Variants in INSC observed in about 807,000 individuals in gnomAD.
INSC encodes the protein INSC spindle orientation adaptor protein.
Under a neutral mutation model 58.6 loss-of-function variants are expected in INSC, and 67 were observed. The observed-to-expected ratio is 1.14, with a 90% confidence interval of 0.94 to 1.40. The LOEUF (loss-of-function observed/expected upper bound fraction) is 1.40. Ranked by LOEUF, INSC falls within the 40% of genes most tolerant of loss-of-function variation. INSC has a pLI of 0.00. For missense variants in INSC, 714 were observed against 692.0 expected, an observed-to-expected ratio of 1.03 and a Z score of -0.36; for synonymous variants, 262 against 276.1, an observed-to-expected ratio of 0.95 and a Z score of 0.51.
chr11:15,154,602 G>A (rs1248042240), intron 2 of INSC, among the ~76,000 whole-genome samples: 1 of 152,184 alleles, frequency 6.6e-6, no homozygotes, highest in African/African-American at 2.4e-5. Context: ...CCCTGCAGGA[G>A]AGCACAGTGC....
intron 2 of INSC, among the ~76,000 whole-genome samples, chr11:15,154,969 C>T (rs1848765190): frequency 6.6e-6 from 1 of 152,164 alleles, no homozygotes; most frequent in African/African-American, 2.4e-5. Flanking sequence ...TTTGGGAGTC[C>T]TCTTAGGATC....
intron 2 of INSC, among the ~76,000 whole-genome samples, chr11:15,158,221 C>T (rs1264258786): frequency 6.6e-6 from 1 of 151,678 alleles, no homozygotes; most frequent in Non-Finnish European, 1.5e-5. Context: ...TGTCACTTCC[C>T]TGCTCTAAAA....
chr11:15,251,590 G>A (rs576916326), downstream of INSC, among the ~76,000 whole-genome samples: 12 of 152,292 alleles, frequency 7.9e-5, no homozygotes, highest in African/African-American at 2.9e-4. Flanking sequence ...CTGGACAAAG[G>A]ATTTGAATAG....
rs764724769 is a variant in INSC, at chr11:15,175,958, G to T, written c.274G>T (p.Gly92Trp). The change falls in exon 3 of 13, where the codon GGG becomes TGG. Residue 92 changes from glycine (G) to tryptophan (W), a missense_variant. By Grantham distance (184) the Gly-to-Trp change is radical. Transcript: ENST00000379556. ...CATTAGCACAGAGCTGCGCAGGATC[G>T]GGCAGAAGCTGGCCCAGGACCGCTG... is the stretch of plus-strand genomic sequence containing the variant. ...WVISTELRRI[G>W]QKLAQDRWAR... The T allele has an allele frequency of 3.1e-6, 5 of 1,613,918 alleles. No homozygotes were observed. The South Asian group carries it at 4.4e-5, about 14-fold the overall frequency.
At chr11:15,148,803 G>A (rs1165796870) in intron 1 of INSC, among the ~76,000 whole-genome samples, 1 of 152,146 alleles carries the variant, frequency 6.6e-6, no homozygotes, top group Admixed American at 6.5e-5. Flanking sequence ...ATACTTTTTA[G>A]TACAAGTATG....
At chr11:15,206,560 C>G (rs1427493864) in intron 7 of INSC, among the ~76,000 whole-genome samples, 1 of 152,128 alleles carries the variant, frequency 6.6e-6, no homozygotes. Context: ...AGTAAGGGCC[C>G]CAGAGCCACA....
the INSC span, among the ~76,000 whole-genome samples, chr11:15,267,679 G>T: frequency 1.3e-5 from 2 of 151,664 alleles, no homozygotes; most frequent in Non-Finnish European, 2.9e-5. Context: ...GTGTATATTT[G>T]TAGTAACTAT....
chr11:15,221,659 C>G lies in INSC; in HGVS notation c.991+11C>G, dbSNP rs1430148885. The G allele has an allele frequency of 6.2e-7, 1 of 1,602,980 alleles. No individual in the cohort carries two copies. The highest frequency in any genetic ancestry group is 1.7e-5 in the Admixed American group (1 of 59,170). On this transcript the variant is annotated intron_variant, in intron 8 of 12. Transcript: ENST00000379556. ...TGACAGCCCTCGTCAGTGAGTCACCCTGGGCAGCGGGACCACTAGGAGAGA... is the reference window on the plus strand; with the variant it reads ...TGACAGCCCTCGTCAGTGAGTCACCGTGGGCAGCGGGACCACTAGGAGAGA...
chr11:15,244,280 C>T (rs890585216), intron 12 of INSC, among the ~76,000 whole-genome samples: 21 of 152,122 alleles, frequency 1.4e-4, no homozygotes, highest in South Asian at 8.3e-4. Flanking sequence ...GGGTAAACCA[C>T]GCCCCATGAG....
At chr11:15,113,318 G>T (rs1023814526), upstream of INSC, among the ~76,000 whole-genome samples, 7 of 151,780 alleles carry the variant, frequency 4.6e-5, no homozygotes, top group Non-Finnish European at 5.9e-5. Context: ...ATGACAACTC[G>T]CCCAGTTAAT....
intron 2 of INSC, among the ~76,000 whole-genome samples, chr11:15,149,827 A>G (rs1945597): frequency 0.28 from 42,514 of 152,076 alleles, 6,128 homozygotes; most frequent in Middle Eastern, 0.34. Context: ...CTGGTCCTGG[A>G]GCCTGAACCC....
intron 1 of INSC, among the ~76,000 whole-genome samples, chr11:15,136,334 A>T (rs149815104): frequency 6.6e-5 from 10 of 152,156 alleles, no homozygotes; most frequent in African/African-American, 9.7e-5. Flanking sequence ...GTCTTGCCTG[A>T]TGTTGATGTC....
chr11:15,146,662 T>C (rs1325331421), intron 1 of INSC, among the ~76,000 whole-genome samples: 1 of 152,154 alleles, frequency 6.6e-6, no homozygotes, highest in East Asian at 1.9e-4. Context: ...AAGAAGTCGA[T>C]TGTTTTGCCT....
chr11:15,235,249 G>T, intron 9 of INSC: 1 of 331,580 alleles, frequency 3.0e-6, no homozygotes, highest in African/African-American at 2.1e-5. Flanking sequence ...GAGTTTCAGG[G>T]GCCAGGGACC....
intron 1 of INSC, among the ~76,000 whole-genome samples, chr11:15,116,763 ATTCT>A (rs1212803518): frequency 1.2e-5 from 1 of 83,640 alleles, no homozygotes; most frequent in African/African-American, 5.0e-5. Context: ...CCTTCCTTCC[ATTCT>A]TTCTTTTTTT....
intron 9 of INSC, among the ~76,000 whole-genome samples, chr11:15,226,422 T>C (rs1268316262): frequency 6.6e-6 from 1 of 152,172 alleles, no homozygotes; most frequent in Non-Finnish European, 1.5e-5. Context: ...GTTTTACTAC[T>C]AAAAGTGTTT....
At chr11:15,134,395 T>C (rs1369338363) in intron 1 of INSC, among the ~76,000 whole-genome samples, 2 of 152,156 alleles carry the variant, frequency 1.3e-5, no homozygotes, top group Non-Finnish European at 2.9e-5. Flanking sequence ...ATTTTAGCTA[T>C]TACTATGAAT....
intron 5 of INSC, among the ~76,000 whole-genome samples, chr11:15,180,692 G>A (rs1849741946): frequency 1.1e-5 from 1 of 91,172 alleles, no homozygotes; most frequent in Non-Finnish European, 2.1e-5. Flanking sequence ...TGAGGGGGGG[G>A]GCGGGGGGGG....
chr11:15,120,143 G>A (rs1847835039), intron 1 of INSC, among the ~76,000 whole-genome samples: 1 of 152,118 alleles, frequency 6.6e-6, no homozygotes, highest in African/African-American at 2.4e-5. Flanking sequence ...TGCATTTTCT[G>A]AGGATGATGA....
Sources: gnomAD v4.1 joint callset for allele counts (sites outside exome capture counted in the v4.1 genomes callset) on GRCh38, gnomAD v4.1.1 for gene constraint, MANE v1.5 for transcripts, NCBI Gene and HGNC (gene_info 2026-07-23, HGNC 2026-07-21) for gene names.